The following C4orf50 variants were observed in gnomAD, a reference collection of about 807,000 sequenced individuals.
C4orf50 encodes chromosome 4 open reading frame 50, also known as uncharacterized protein C4orf50.
A neutral mutation model predicts 77.2 loss-of-function variants in C4orf50; 80 were observed. That is an observed-to-expected ratio of 1.04 (90% CI 0.87 to 1.25). C4orf50 has a LOEUF of 1.25. Ranked by LOEUF, C4orf50 falls within the 50% of genes most tolerant of loss-of-function variation. The pLI is 0.00. For synonymous variants in C4orf50, 532 were observed against 465.3 expected (o/e 1.14, Z -1.84); for missense variants, 1,257 against 1,152.9 (o/e 1.09, Z -1.31).
At chr4:6,013,544 A>G (rs552335241) in intron 23 of C4orf50, among the ~76,000 whole-genome samples, 1 of 152,286 alleles carries the variant, frequency 6.6e-6, no homozygotes, top group East Asian at 1.9e-4. Context: ...TATGAATGTT[A>G]CCTTAAAATG....
Position 5,942,694 on chromosome 4 carries a change from A to C in C4orf50, c.*2474+14207T>G, listed in dbSNP as rs530291318. On this transcript the variant is annotated intron_variant, in intron 7 of 7. Transcript: ENST00000324058. ...CCCCATTTTATTTAGGAAGAAATGG[A>C]GGCACAAAGGGATTAAGAACTTGCC... is the stretch of plus-strand genomic sequence containing the variant. 6.1e-4 allele frequency among the ~76,000 whole-genome samples: 93 copies of C among 152,334 alleles called. 1 individual carries two copies. In the South Asian group the frequency reaches 0.017, roughly 28 times the overall value.
intron 28 of C4orf50, among the ~76,000 whole-genome samples, chr4:5,986,596 T>C (rs938340150): frequency 2.0e-5 from 3 of 150,646 alleles, no homozygotes; most frequent in African/African-American, 7.3e-5. Flanking sequence ...TGGAGTGCAG[T>C]GGCACAATCT....
Position 5,967,350 on chromosome 4 carries a change from G to C in C4orf50, c.4153+64C>G, listed in dbSNP as rs919277758. ...TCTCCCCTCTGGCCCACCTCTCACA[G>C]CGTCCTGCCGGCCTGGACTTTTTCT... On this transcript the variant is annotated intron_variant, in intron 32 of 33. Coordinates refer to ENST00000531445, the Ensembl canonical transcript of C4orf50. 5 of 1,341,950 alleles carry C rather than the reference G, an allele frequency of 3.7e-6. No homozygotes were observed. In the African/African-American group the frequency reaches 4.3e-5, roughly 12 times the overall value. The allele number at this position is 1,341,950 out of a possible 1,614,324, so 83.1% of individuals were successfully genotyped here.
chr4:5,982,585 T>C (rs1478865936), intron 28 of C4orf50, among the ~76,000 whole-genome samples: 1 of 152,176 alleles, frequency 6.6e-6, no homozygotes. Context: ...GGGTGGCAAC[T>C]GTACAACAAC....
At chr4:5,961,485 T>C (rs1373276378) in intron 33 of C4orf50, among the ~76,000 whole-genome samples, 2 of 152,258 alleles carry the variant, frequency 1.3e-5, no homozygotes, top group Non-Finnish European at 2.9e-5. Context: ...CACATATTGA[T>C]TCATTGCATC....
intron 25 of C4orf50, among the ~76,000 whole-genome samples, chr4:5,997,338 A>C (rs1397233650): frequency 6.6e-6 from 1 of 152,218 alleles, no homozygotes; most frequent in Non-Finnish European, 1.5e-5. Context: ...GTATAAACAT[A>C]CCTAGATCCC....
chr4:5,900,160 A>C lies in C4orf50; in HGVS notation c.*2475-1972T>G, dbSNP rs965660127. ...ACCAAAGGGGAACTGTGAATCTCTT[A>C]AAAGAAGCTCACCAGCCTGAAGATG... On this transcript the variant is annotated intron_variant, in intron 7 of 7. Coordinates refer to the C4orf50 transcript ENST00000324058. The surrounding 1 kb of genome is among the most constrained non-coding windows in gnomAD (Gnocchi z 4.3). 6.6e-6 allele frequency: 1 copy of C among 152,188 alleles called. No homozygotes were observed. Among genetic ancestry groups the C allele is most frequent in the Admixed American group, 6.5e-5 (1 of 15,276 alleles). 9.4% of individuals were successfully genotyped at this position (152,188 alleles called of 1,614,324 possible). A position where few individuals can be genotyped will look rare whatever the true frequency, so the allele number is the denominator to read the frequency against.
intron 7 of C4orf50, among the ~76,000 whole-genome samples, chr4:5,911,068 G>A (rs1044986845): frequency 8.6e-5 from 13 of 151,952 alleles, no homozygotes; most frequent in African/African-American, 3.1e-4. Context: ...ACCATGCCTG[G>A]CTAATTGTTT....
chr4:5,941,785 G>T (rs891489243), intron 7 of C4orf50, among the ~76,000 whole-genome samples: 1 of 151,960 alleles, frequency 6.6e-6, no homozygotes, highest in Non-Finnish European at 1.5e-5. Flanking sequence ...GTCACACAGG[G>T]ATTGGAACTA....
intron 25 of C4orf50, among the ~76,000 whole-genome samples, chr4:6,003,912 GA>G (rs1577991106): frequency 1.5e-5 from 2 of 135,080 alleles, no homozygotes; most frequent in East Asian, 5.1e-4. Flanking sequence ...TGGTGATGTT[GA>G]TGATGGTGGT....
chr4:5,978,780 T>A (rs1456295859), intron 29 of C4orf50, among the ~76,000 whole-genome samples: 2 of 152,232 alleles, frequency 1.3e-5, no homozygotes, highest in Non-Finnish European at 2.9e-5. Context: ...TGTAAGTTCA[T>A]AGAAATGCTC....
At chr4:5,922,530 T>C (rs969879660) in intron 7 of C4orf50, among the ~76,000 whole-genome samples, 4 of 152,148 alleles carry the variant, frequency 2.6e-5, no homozygotes, top group African/African-American at 9.7e-5. Flanking sequence ...TTGGGGGAAT[T>C]GGACCCACGG....
rs192253383 is a variant in C4orf50 at position 5,966,718 on chromosome 4, C to T, written c.4153+696G>A. On this transcript the variant is annotated intron_variant, in intron 32 of 33. Coordinates refer to ENST00000531445, the Ensembl canonical transcript of C4orf50. ...AGGCTGGAGTACAGTGGTGTTATCTCGGTTCACTGCAACCTCCGTCTCCCA... is the reference window on the plus strand; with the variant it reads ...AGGCTGGAGTACAGTGGTGTTATCTTGGTTCACTGCAACCTCCGTCTCCCA... Among the ~76,000 whole-genome samples, 840 of 148,680 alleles carry T rather than the reference C, an allele frequency of 5.6e-3. 13 individuals carry two copies. Among genetic ancestry groups the T allele is most frequent in the African/African-American group, 0.02 (795 of 40,208 alleles).
At position 5,980,168 on chromosome 4, in the gene C4orf50, C is replaced by T; in HGVS notation, c.3864+6G>A. The stretch of plus-strand genomic sequence containing the variant: ...GACAAGAGGGGAAAGAAAGCACTTC[C>T]CACACCTTGGCCTGGAGCTCCTCCT... On this transcript the variant is annotated splice_donor_region_variant and intron_variant, in intron 29 of 33. Coordinates refer to ENST00000531445, the Ensembl canonical transcript of C4orf50. 6.3e-7 allele frequency: 1 copy of T among 1,584,794 alleles called. No homozygotes were observed. Among genetic ancestry groups the T allele is most frequent in the Non-Finnish European group, 8.6e-7 (1 of 1,166,814 alleles).
chr4:5,921,385 G>A (rs931505847), intron 7 of C4orf50, among the ~76,000 whole-genome samples: 2 of 152,210 alleles, frequency 1.3e-5, no homozygotes, highest in African/African-American at 4.8e-5. Flanking sequence ...TGGGACAAAT[G>A]GCCTCCAGGA....
At chr4:5,998,671 C>G (rs1008911194) in intron 25 of C4orf50, among the ~76,000 whole-genome samples, 1 of 152,208 alleles carries the variant, frequency 6.6e-6, no homozygotes, top group Non-Finnish European at 1.5e-5. Flanking sequence ...CTCTGGGACC[C>G]TCCAGGCCAG....
At chr4:5,971,582 G>GTCC (rs1480487692) in intron 31 of C4orf50, among the ~76,000 whole-genome samples, 3 of 152,092 alleles carry the variant, frequency 2.0e-5, no homozygotes, top group Admixed American at 1.3e-4. Context: ...GAATGAATCC[G>GTCC]TCCGATGACA....
chr4:5,948,148 T>C (rs977316120), intron 7 of C4orf50, among the ~76,000 whole-genome samples: 1 of 152,172 alleles, frequency 6.6e-6, no homozygotes, highest in African/African-American at 2.4e-5. Context: ...AGGCAGTTAG[T>C]AAATGCTGGA....
chr4:5,961,500 C>T (rs1185292804), intron 33 of C4orf50, among the ~76,000 whole-genome samples: 1 of 152,214 alleles, frequency 6.6e-6, no homozygotes, highest in Non-Finnish European at 1.5e-5. Context: ...TGCATCTTTA[C>T]AAAATCCAAG....
Sources: allele counts gnomAD v4.1 joint callset (sites outside exome capture counted in the v4.1 genomes callset), GRCh38; gene constraint gnomAD v4.1.1; non-coding constraint Gnocchi (gnomAD v3.1); transcripts MANE v1.5; gene names NCBI Gene and HGNC (gene_info 2026-07-23, HGNC 2026-07-21).